Variants in TBL1X observed in about 807,000 individuals in gnomAD.
The protein encoded by TBL1X is F-box-like/WD repeat-containing protein TBL1X.
In TBL1X, 10 loss-of-function variants were observed where a neutral mutation model predicts 50.7. That is an observed-to-expected ratio of 0.20 (90% CI 0.12 to 0.33). The LOEUF (loss-of-function observed/expected upper bound fraction) is 0.33, where lower values mean the gene tolerates loss of function less well. TBL1X is among the 10% of genes least tolerant of loss of function. TBL1X has a pLI of 1.00. For synonymous variants in TBL1X, 190 were observed against 214.7 expected (o/e 0.88, Z 1.01); for missense variants, 340 against 504.4 (o/e 0.67, Z 3.12).
At chrX:9,688,458 G>C (rs1055259691) in intron 7 of TBL1X, among the ~76,000 whole-genome samples, 183 bp downstream of exon 7, 3 of 112,210 alleles carry the variant, frequency 2.7e-5, no homozygotes, top group African/African-American at 9.7e-5. Context: ...ACAACCCTTG[G>C]ACCTGAGCTT....
intron 2 of TBL1X, among the ~76,000 whole-genome samples, chrX:9,570,928 C>T (rs1302593077): frequency 4.5e-5 from 5 of 111,252 alleles, no homozygotes; most frequent in Non-Finnish European, 7.5e-5. Flanking sequence ...CTGCCCGCCT[C>T]GGCCTCCCAA....
chrX:9,705,125 G>A lies in TBL1X; in HGVS notation c.1236+11G>A. 1.6e-6 allele frequency: 2 copies of A among 1,212,184 alleles called. No homozygotes were observed. Among genetic ancestry groups the A allele is most frequent in the Non-Finnish European group, 2.2e-6 (2 of 895,562 alleles). Reference sequence around the variant, plus strand: ...TTCCAGGGACACACAGTAAGTGAGAGCTCTTGTCACTGGTCTCGAGTTTGT... The same window carrying A: ...TTCCAGGGACACACAGTAAGTGAGAACTCTTGTCACTGGTCTCGAGTTTGT... On this transcript the variant is annotated intron_variant, in intron 13 of 17. Transcript: ENST00000645353.
At chrX:9,623,085 G>C (rs2082675693) in intron 2 of TBL1X, among the ~76,000 whole-genome samples, 1 of 111,382 alleles carries the variant, frequency 9.0e-6, no homozygotes, top group South Asian at 3.8e-4. Flanking sequence ...GTTTTTGTGA[G>C]ATGTGATAAA....
intron 2 of TBL1X, among the ~76,000 whole-genome samples, chrX:9,596,948 A>T (rs1359872446): frequency 9.0e-6 from 1 of 111,394 alleles, no homozygotes; most frequent in African/African-American, 3.3e-5. Flanking sequence ...AAGAGCTAGG[A>T]CTGTGCTGGA....
At chrX:9,484,663 G>A (rs1363118930) in intron 1 of TBL1X, among the ~76,000 whole-genome samples, 1 of 110,635 alleles carries the variant, frequency 9.0e-6, no homozygotes, top group African/African-American at 3.3e-5. Flanking sequence ...TTCACCAGTT[G>A]TTGAATGTTT....
intron 8 of TBL1X, 83 bp downstream of exon 8, chrX:9,691,794 A>G (rs1299720654): frequency 9.7e-6 from 11 of 1,130,908 alleles, no homozygotes; most frequent in African/African-American, 1.8e-5. Flanking sequence ...AGTTCTGCCT[A>G]AAGGAACACA....
At chrX:9,694,562 A>T (rs920739648) in intron 11 of TBL1X, among the ~76,000 whole-genome samples, 6 of 111,857 alleles carry the variant, frequency 5.4e-5, no homozygotes, top group Non-Finnish European at 9.4e-5. Flanking sequence ...GCGCCTCTGC[A>T]CTCCAGCCTG....
At chrX:9,648,407 T>C (rs931359052) in intron 3 of TBL1X, among the ~76,000 whole-genome samples, 3 of 112,178 alleles carry the variant, frequency 2.7e-5, no homozygotes, top group African/African-American at 9.7e-5. Flanking sequence ...GATGGCACTT[T>C]GCTTTGAACC....
At chrX:9,684,263 C>T in intron 6 of TBL1X, 75 bp downstream of exon 6, 1 of 1,153,283 alleles carries the variant, frequency 8.7e-7, no homozygotes. Flanking sequence ...ACATTGGAAG[C>T]TAACATGCAT....
chrX:9,619,212 G>A (rs973905321), intron 2 of TBL1X, among the ~76,000 whole-genome samples: 9 of 112,414 alleles, frequency 8.0e-5, no homozygotes, highest in African/African-American at 2.6e-4. Context: ...ACCACCCCCC[G>A]CAAGTCTGGC....
chrX:9,589,017 C>T (rs186277383), intron 2 of TBL1X, among the ~76,000 whole-genome samples: 1 of 111,560 alleles, frequency 9.0e-6, no homozygotes, highest in African/African-American at 3.3e-5. Flanking sequence ...CCTGCCCTGA[C>T]ATTTTACACT....
intron 5 of TBL1X, among the ~76,000 whole-genome samples, chrX:9,667,257 T>A (rs1408751458): frequency 9.0e-6 from 1 of 111,617 alleles, no homozygotes; most frequent in Non-Finnish European, 1.9e-5. Flanking sequence ...CGAGACTCCG[T>A]TCCCCCCTAC....
chrX:9,595,941 G>T (rs182352066), intron 2 of TBL1X, among the ~76,000 whole-genome samples: 1 of 112,342 alleles, frequency 8.9e-6, no homozygotes, highest in Non-Finnish European at 1.9e-5. Flanking sequence ...TTGTTTTCAT[G>T]TTTAAATTGT....
intron 2 of TBL1X, among the ~76,000 whole-genome samples, chrX:9,598,404 A>G (rs2082536632): frequency 8.9e-6 from 1 of 112,166 alleles, no homozygotes; most frequent in Non-Finnish European, 1.9e-5. Flanking sequence ...CATTACCCAG[A>G]AATGAAAAGG....
intron 2 of TBL1X, among the ~76,000 whole-genome samples, chrX:9,591,715 G>T (rs2082501104): frequency 9.0e-6 from 1 of 111,535 alleles, no homozygotes; most frequent in African/African-American, 3.3e-5. Flanking sequence ...GCTCAGAGAG[G>T]TGACACCTGA....
chrX:9,491,661 C>T (rs146647798), intron 1 of TBL1X, among the ~76,000 whole-genome samples: 1,239 of 110,245 alleles, frequency 0.011, 18 homozygotes, highest in African/African-American at 0.04. Context: ...ATGAGGTATC[C>T]GTGGACCAGC....
intron 6 of TBL1X, among the ~76,000 whole-genome samples, chrX:9,684,831 G>A (rs2083047955): frequency 8.9e-6 from 1 of 111,999 alleles, no homozygotes; most frequent in South Asian, 3.7e-4. Context: ...CGGAGTGGAC[G>A]TTTGCCTTGC....
intron 2 of TBL1X, among the ~76,000 whole-genome samples, chrX:9,506,626 A>G (rs2082027313): frequency 8.9e-6 from 1 of 112,256 alleles, no homozygotes; most frequent in Non-Finnish European, 1.9e-5. Context: ...CCCTACAGAA[A>G]TACAAACTAC....
intron 2 of TBL1X, among the ~76,000 whole-genome samples, chrX:9,540,578 G>A (rs1003308117): frequency 3.5e-5 from 4 of 112,677 alleles, no homozygotes; most frequent in Admixed American, 9.4e-5. Flanking sequence ...TGGGACAACC[G>A]AGGGAAGTGA....
Sources: allele counts gnomAD v4.1 joint callset (sites outside exome capture counted in the v4.1 genomes callset), GRCh38; gene constraint gnomAD v4.1.1; transcripts MANE v1.5; gene names NCBI Gene and HGNC (gene_info 2026-07-23, HGNC 2026-07-21).